MSRA: variants seen among roughly 807,000 people sequenced by gnomAD.
MSRA encodes the protein mitochondrial peptide methionine sulfoxide reductase.
A neutral mutation model predicts 31.3 loss-of-function variants in MSRA; 54 were observed. The ratio of observed to expected loss-of-function variants is 1.73; its 90% CI spans 1.39 to 2.17. MSRA has a LOEUF of 2.17. Ranked by LOEUF, MSRA falls within the 30% of genes most tolerant of loss-of-function variation. The pLI, the probability that MSRA is intolerant of heterozygous loss-of-function variation, is 0.00. For synonymous variants in MSRA, 169 were observed against 116.5 expected, an observed-to-expected ratio of 1.45 and a Z score of -2.90; for missense variants, 507 against 300.9, an observed-to-expected ratio of 1.69 and a Z score of -5.07.
At chr8:10,102,764 G>A (rs993508580) in intron 1 of MSRA, among the ~76,000 whole-genome samples, 3 of 152,168 alleles carry the variant, frequency 2.0e-5, no homozygotes, top group East Asian at 3.8e-4. Context: ...CAGGGGAAAG[G>A]GGGGCACTCC....
intron 5 of MSRA, among the ~76,000 whole-genome samples, chr8:10,366,668 C>T (rs899333281): frequency 3.3e-5 from 5 of 152,204 alleles, no homozygotes; most frequent in African/African-American, 9.7e-5. Context: ...TGTAACAGTA[C>T]CTGCTACACT....
chr8:10,372,882 G>T (rs1805556118), intron 5 of MSRA, among the ~76,000 whole-genome samples: 1 of 152,202 alleles, frequency 6.6e-6, no homozygotes, highest in Non-Finnish European at 1.5e-5. Flanking sequence ...TTGCTAAGTT[G>T]TTATTACTAA....
intron 1 of MSRA, among the ~76,000 whole-genome samples, chr8:10,152,453 T>C (rs1024568646): frequency 2.0e-5 from 3 of 152,148 alleles, no homozygotes; most frequent in Admixed American, 1.3e-4. Flanking sequence ...GGCAGGAAGA[T>C]GACTCACTAG....
chr8:10,417,253 G>T (rs537879000), intron 5 of MSRA, among the ~76,000 whole-genome samples: 1 of 152,098 alleles, frequency 6.6e-6, no homozygotes, highest in African/African-American at 2.4e-5. Context: ...CTTTGAACGC[G>T]CTCCTTGTCA....
chr8:10,063,666 ACTAG>A (rs1432853486), intron 1 of MSRA, among the ~76,000 whole-genome samples: 4 of 152,128 alleles, frequency 2.6e-5, no homozygotes, highest in African/African-American at 9.7e-5. Flanking sequence ...ACCCCAGATA[ACTAG>A]CTAGTCTTTT....
intron 5 of MSRA, among the ~76,000 whole-genome samples, chr8:10,416,494 C>G (rs1563456876): frequency 6.6e-6 from 1 of 152,248 alleles, no homozygotes; most frequent in Non-Finnish European, 1.5e-5. Flanking sequence ...GGAGCCATCA[C>G]TGGCTGGAGC....
intron 3 of MSRA, among the ~76,000 whole-genome samples, chr8:10,271,065 C>CTT (rs71837112): frequency 1.4e-5 from 2 of 142,848 alleles, no homozygotes; most frequent in African/African-American, 2.6e-5. Flanking sequence ...GTTCTTTCTT[C>CTT]TTTTTTTTTT....
At chr8:10,289,259 C>T (rs971779391) in intron 3 of MSRA, among the ~76,000 whole-genome samples, 3 of 152,012 alleles carry the variant, frequency 2.0e-5, no homozygotes, top group Admixed American at 6.6e-5. Context: ...ATAATCTGTC[C>T]ACCTCGGTCT....
chr8:10,323,085 A>G (rs34762419), intron 5 of MSRA, among the ~76,000 whole-genome samples: 4,968 of 81,792 alleles, frequency 0.061, 130 homozygotes, highest in South Asian at 0.16. Flanking sequence ...GTGAGACTCC[A>G]TCTCAAAAAA....
intron 5 of MSRA, among the ~76,000 whole-genome samples, chr8:10,357,523 A>T (rs933426383): frequency 6.6e-6 from 1 of 152,082 alleles, no homozygotes; most frequent in African/African-American, 2.4e-5. Context: ...CCTATCTTTG[A>T]CCAGCCGGAG....
rs775574161 is a variant in MSRA at position 10,428,207 on chromosome 8, C to G, written c.603C>G (p.Phe201Leu). 3.1e-6 allele frequency: 5 copies of G among 1,614,212 alleles called. No homozygotes were observed. Among genetic ancestry groups the G allele is most frequent in the Non-Finnish European group, 1.7e-6 (2 of 1,180,038 alleles). ...CCGACATCCGGGAGGGACAGACTTT[C>G]TACTATGCGGAAGACTACCACCAGC... ...ITTDIREGQT[F>L]YYAEDYHQQY... Residue 201 changes from phenylalanine (F) to leucine (L), a missense_variant, in exon 6 of 6, where the codon TTC (phenylalanine) becomes TTG (leucine). Transcript: ENST00000317173.
chr8:10,056,038 A>G (rs1186233086), intron 1 of MSRA, among the ~76,000 whole-genome samples: 3 of 152,148 alleles, frequency 2.0e-5, no homozygotes, highest in African/African-American at 4.8e-5. Flanking sequence ...CAGATTATCT[A>G]AAACTTATAA....
chr8:10,369,853 C>G (rs1420511212), intron 5 of MSRA, among the ~76,000 whole-genome samples: 1 of 152,142 alleles, frequency 6.6e-6, no homozygotes, highest in Non-Finnish European at 1.5e-5. Flanking sequence ...AGTTTCAAAG[C>G]ACTATTATAT....
At chr8:10,219,825 A>AAAAAAAC (rs1810327862) in intron 2 of MSRA, among the ~76,000 whole-genome samples, 1 of 151,126 alleles carries the variant, frequency 6.6e-6, no homozygotes, top group Non-Finnish European at 1.5e-5. Flanking sequence ...AAAAAAAAAA[A>AAAAAAAC]AAAGATATTT....
chr8:10,058,147 A>G (rs1802500612), intron 1 of MSRA, among the ~76,000 whole-genome samples: 1 of 152,226 alleles, frequency 6.6e-6, no homozygotes, highest in East Asian at 1.9e-4. Flanking sequence ...GGGCACTAAC[A>G]TGTTAAAAAC....
intron 3 of MSRA, among the ~76,000 whole-genome samples, chr8:10,246,884 G>A (rs895404093): frequency 3.3e-5 from 5 of 152,062 alleles, no homozygotes; most frequent in Non-Finnish European, 5.9e-5. Flanking sequence ...AGACTCAAAT[G>A]AATCCTGGAG....
intron 5 of MSRA, among the ~76,000 whole-genome samples, chr8:10,408,893 T>C (rs939831990): frequency 5.3e-5 from 8 of 152,204 alleles, no homozygotes; most frequent in African/African-American, 1.9e-4. Flanking sequence ...GCAAAAGACA[T>C]GATTGTCTTC....
chr8:10,331,378 A>G (rs1315418439), intron 5 of MSRA, among the ~76,000 whole-genome samples: 2 of 152,140 alleles, frequency 1.3e-5, no homozygotes, highest in African/African-American at 4.8e-5. Flanking sequence ...TCTTTTGTAA[A>G]ATGGGGAAAT....
At chr8:10,393,585 A>T (rs548414657) in intron 5 of MSRA, among the ~76,000 whole-genome samples, 22 of 152,308 alleles carry the variant, frequency 1.4e-4, no homozygotes, top group Admixed American at 5.9e-4. Context: ...CAGCCATATC[A>T]ACATGGGATA....
Sources: gnomAD v4.1 joint callset for allele counts (sites outside exome capture counted in the v4.1 genomes callset) on GRCh38, gnomAD v4.1.1 for gene constraint, MANE v1.5 for transcripts, NCBI Gene and HGNC (gene_info 2026-07-23, HGNC 2026-07-21) for gene names.